Variants in KAZN observed in about 807,000 individuals in gnomAD.
The protein encoded by KAZN is kazrin, periplakin interacting protein, also known as kazrin.
A neutral mutation model predicts 87.4 loss-of-function variants in KAZN; 40 were observed. That is an observed-to-expected ratio of 0.46 (90% CI 0.36 to 0.60). The LOEUF (loss-of-function observed/expected upper bound fraction) is 0.60. KAZN is among the 20% of genes least tolerant of loss of function. The pLI is 0.00. For missense variants in KAZN, 898 were observed against 1,073.9 expected, an observed-to-expected ratio of 0.84 and a Z score of 2.29; for synonymous variants, 466 against 458.3, an observed-to-expected ratio of 1.02 and a Z score of -0.22.
At chr1:14,303,151 G>A (rs111631882) in intron 2 of KAZN, among the ~76,000 whole-genome samples, 5 of 152,210 alleles carry the variant, frequency 3.3e-5, no homozygotes, top group African/African-American at 1.2e-4. Flanking sequence ...AGTAGACGTC[G>A]GTGTTTCACA....
intron 8 of KAZN, among the ~76,000 whole-genome samples, chr1:15,088,160 T>C (rs1640354357): frequency 1.3e-5 from 2 of 152,194 alleles, no homozygotes; most frequent in Admixed American, 6.5e-5. Context: ...AACTCTGCCA[T>C]TGTAGCATGA....
intron 1 of KAZN, among the ~76,000 whole-genome samples, chr1:14,903,516 G>A (rs1005156715): frequency 6.6e-6 from 1 of 152,202 alleles, no homozygotes; most frequent in African/African-American, 2.4e-5. Flanking sequence ...GAGGATCCGG[G>A]GAGAGGGCTG....
At chr1:14,717,564 C>T (rs1051416947) in intron 1 of KAZN, among the ~76,000 whole-genome samples, 22 of 152,190 alleles carry the variant, frequency 1.4e-4, no homozygotes, top group Non-Finnish European at 2.8e-4. Context: ...TAGAAGAACA[C>T]GCCCATTGGA....
chr1:14,446,684 G>A (rs1210085472), intron 2 of KAZN, among the ~76,000 whole-genome samples: 1 of 151,988 alleles, frequency 6.6e-6, no homozygotes, highest in Non-Finnish European at 1.5e-5. Context: ...TAGGTGAGAG[G>A]GCTCCAGTTC....
At chr1:14,137,152 C>T (rs1245791033) in intron 1 of KAZN, among the ~76,000 whole-genome samples, 1 of 152,158 alleles carries the variant, frequency 6.6e-6, no homozygotes, top group Non-Finnish European at 1.5e-5. Flanking sequence ...ACCATCCCAG[C>T]CAGAGCTCCG....
intron 2 of KAZN, among the ~76,000 whole-genome samples, chr1:14,461,857 G>A (rs1667870285): frequency 1.3e-5 from 2 of 151,866 alleles, no homozygotes; most frequent in East Asian, 2.0e-4. Context: ...AACATTCCTG[G>A]GAGGGACCTG....
chr1:14,371,782 AC>A (rs1660503139), intron 2 of KAZN, among the ~76,000 whole-genome samples: 1 of 152,186 alleles, frequency 6.6e-6, no homozygotes, highest in African/African-American at 2.4e-5. Flanking sequence ...CAAAGAAACC[AC>A]AATCTGAAGA....
At chr1:14,112,421 T>TA in intron 1 of KAZN, among the ~76,000 whole-genome samples, 2 of 77,774 alleles carry the variant, frequency 2.6e-5, no homozygotes, top group Admixed American at 1.2e-4. Flanking sequence ...CCCACTCCTC[T>TA]TTGGCCACTG....
chr1:14,270,970 A>G (rs1173341761), intron 2 of KAZN, among the ~76,000 whole-genome samples: 2 of 152,200 alleles, frequency 1.3e-5, no homozygotes, highest in Non-Finnish European at 2.9e-5. Flanking sequence ...AGGGTTTGCT[A>G]CAGTGTCCGT....
intron 1 of KAZN, among the ~76,000 whole-genome samples, chr1:14,095,891 A>G (rs1028595449): frequency 2.0e-5 from 3 of 152,230 alleles, no homozygotes; most frequent in Non-Finnish European, 4.4e-5. Flanking sequence ...GATGGGACAT[A>G]GACTCCGTCC....
chr1:13,909,347 TA>T (rs1639564432), intron 1 of KAZN, among the ~76,000 whole-genome samples: 1 of 152,166 alleles, frequency 6.6e-6, no homozygotes, highest in Non-Finnish European at 1.5e-5. Context: ...AAAAAGTCTG[TA>T]AACCTACGAA....
chr1:14,507,978 T>TAATAA, intron 2 of KAZN, among the ~76,000 whole-genome samples: 1 of 91,342 alleles, frequency 1.1e-5, no homozygotes, highest in East Asian at 2.3e-4. Context: ...AAAAAATAAA[T>TAATAA]AAAAAAAAAA....
intron 2 of KAZN, among the ~76,000 whole-genome samples, chr1:14,482,142 G>A (rs1669118870): frequency 6.6e-6 from 1 of 152,128 alleles, no homozygotes; most frequent in Non-Finnish European, 1.5e-5. Flanking sequence ...TAGGAAGAAG[G>A]CCACCTCCGG....
chr1:13,912,696 CA>C (rs1639697323), intron 1 of KAZN, among the ~76,000 whole-genome samples: 2 of 152,158 alleles, frequency 1.3e-5, no homozygotes, highest in African/African-American at 2.4e-5. Context: ...CTCTGCCTCC[CA>C]GGTTCAAGCG....
At chr1:15,084,485 C>T (rs554137093) in intron 8 of KAZN, among the ~76,000 whole-genome samples, 87 of 152,336 alleles carry the variant, frequency 5.7e-4, no homozygotes, top group African/African-American at 1.5e-3. Flanking sequence ...ATCCCCAAGA[C>T]GTCTACAGAC....
At chr1:14,768,331 C>G (rs1644937592) in intron 1 of KAZN, among the ~76,000 whole-genome samples, 2 of 152,176 alleles carry the variant, frequency 1.3e-5, no homozygotes, top group Non-Finnish European at 1.5e-5. Context: ...CCAGGCATCT[C>G]ATGTGCCAAG....
intron 2 of KAZN, among the ~76,000 whole-genome samples, chr1:14,367,478 G>A (rs1394978668): frequency 6.6e-6 from 1 of 152,124 alleles, no homozygotes; most frequent in African/African-American, 2.4e-5. Flanking sequence ...GGCGGGCTGG[G>A]CCATGGGTGG....
chr1:14,413,312 C>T (rs1664455325), intron 2 of KAZN, among the ~76,000 whole-genome samples: 1 of 151,844 alleles, frequency 6.6e-6, no homozygotes, highest in Non-Finnish European at 1.5e-5. Flanking sequence ...TGCATTTGGC[C>T]AGGCACTGTG....
At chr1:14,511,940 A>T (rs894643148) in intron 2 of KAZN, among the ~76,000 whole-genome samples, 6 of 152,198 alleles carry the variant, frequency 3.9e-5, no homozygotes, top group African/African-American at 9.7e-5. Flanking sequence ...CTGCTTATCC[A>T]CTATGCATAA....
Sources: allele counts gnomAD v4.1 joint callset (sites outside exome capture counted in the v4.1 genomes callset), GRCh38; gene constraint gnomAD v4.1.1; transcripts MANE v1.5; gene names NCBI Gene and HGNC (gene_info 2026-07-23, HGNC 2026-07-21).